Variants in NEMP1 observed in about 807,000 individuals in gnomAD.
NEMP1 encodes transmembrane protein 194.
Under a neutral mutation model 53.7 loss-of-function variants are expected in NEMP1, and 29 were observed. That is an observed-to-expected ratio of 0.54 (90% CI 0.40 to 0.74). The LOEUF (loss-of-function observed/expected upper bound fraction) is 0.74, where lower values mean the gene tolerates loss of function less well. Among genes scored for constraint, NEMP1 ranks in the 30% least tolerant of loss-of-function variants. The pLI is 0.00. For synonymous variants in NEMP1, 193 were observed against 192.9 expected (o/e 1.00, Z 0.00); for missense variants, 477 against 528.6 (o/e 0.90, Z 0.96).
chr12:57,067,627 G>A (rs962607782), intron 4 of NEMP1, among the ~76,000 whole-genome samples: 1 of 152,130 alleles, frequency 6.6e-6, no homozygotes. Context: ...AGTGATGTGT[G>A]ACTATATTTG....
chr12:57,070,154 TC>T (rs1215107344), intron 3 of NEMP1, among the ~76,000 whole-genome samples: 1 of 152,234 alleles, frequency 6.6e-6, no homozygotes, highest in Non-Finnish European at 1.5e-5. Context: ...AGAAAACTTC[TC>T]CCAGTTCCAC....
At chr12:57,068,191 C>T (rs554311113) in intron 4 of NEMP1, among the ~76,000 whole-genome samples, 1 of 152,276 alleles carries the variant, frequency 6.6e-6, no homozygotes, top group Admixed American at 6.5e-5. Context: ...ATCTTGCATT[C>T]ACTACTCCAC....
chr12:57,077,520 A>T (rs2032692236), intron 1 of NEMP1, among the ~76,000 whole-genome samples: 1 of 152,060 alleles, frequency 6.6e-6, no homozygotes, highest in Non-Finnish European at 1.5e-5. Flanking sequence ...CAAACAAAAA[A>T]ACAAAAAAAG....
At chr12:57,064,235 T>C (rs553574195) in intron 5 of NEMP1, 50 bp from the exon 6 acceptor site, 2 of 1,239,564 alleles carry the variant, frequency 1.6e-6, no homozygotes, top group Admixed American at 5.0e-5. Flanking sequence ...AGGCTTTCCA[T>C]ACATAAAAGA....
intron 1 of NEMP1, among the ~76,000 whole-genome samples, chr12:57,077,613 G>C (rs1468915916): frequency 6.6e-6 from 1 of 152,156 alleles, no homozygotes; most frequent in Non-Finnish European, 1.5e-5. Flanking sequence ...AGCCTCCAGG[G>C]AAGAGAACTA....
At chr12:57,081,167 C>T (rs972357983), upstream of NEMP1, among the ~76,000 whole-genome samples, 5 of 152,134 alleles carry the variant, frequency 3.3e-5, no homozygotes, top group Non-Finnish European at 4.4e-5. Context: ...AGACAAATTC[C>T]AATAGAGGCA....
At chr12:57,069,538 C>T (rs898261408) in intron 3 of NEMP1, among the ~76,000 whole-genome samples, 13 of 152,086 alleles carry the variant, frequency 8.5e-5, no homozygotes, top group African/African-American at 2.9e-4. Context: ...GCTACCTATG[C>T]TAAGGTTAAA....
chr12:57,086,319 G>C (rs539217251), intron 1 of NEMP1, among the ~76,000 whole-genome samples: 2 of 152,178 alleles, frequency 1.3e-5, no homozygotes, highest in African/African-American at 4.8e-5. Context: ...GAGGAGACCA[G>C]CACAGATAAA....
chr12:57,060,482 G>T (rs1047435825), intron 8 of NEMP1, among the ~76,000 whole-genome samples: 4 of 152,118 alleles, frequency 2.6e-5, no homozygotes, highest in Admixed American at 1.3e-4. Flanking sequence ...AAGTGGGTAG[G>T]GGGGAACCCT....
chr12:57,072,430 A>G (rs2032396793), intron 2 of NEMP1, among the ~76,000 whole-genome samples: 1 of 152,052 alleles, frequency 6.6e-6, no homozygotes, highest in Non-Finnish European at 1.5e-5. Flanking sequence ...ACAGAGGGAG[A>G]CTCTGCCTCA....
At position 57,057,931 on chromosome 12, in the gene NEMP1, CTT is replaced by C. The variant is rs2136474672; in HGVS notation, c.*1946_*1947del. 6.6e-6 allele frequency: 1 copy of C among 152,204 alleles called. No individual in the cohort carries two copies. Among genetic ancestry groups the C allele is most frequent in the South Asian group, 2.1e-4 (1 of 4,830 alleles). The allele number at this position is 152,204 out of a possible 1,614,324, so 9.4% of individuals were successfully genotyped here. A position where few individuals can be genotyped will look rare whatever the true frequency, so the allele number is the denominator to read the frequency against. On this transcript the variant is annotated 3_prime_UTR_variant, in exon 9 of 9. Coordinates refer to ENST00000300128, the MANE Select transcript of NEMP1 (RefSeq NM_001130963.2). ...GAGTTGAATTATTTTTTAAAATAAA[CTT>C]ATGCTTAAATATGCTAGGTCTCAAT... is the stretch of plus-strand genomic sequence containing the variant.
rs1039855975 is a variant in NEMP1, at chr12:57,057,769, GA to G, written c.*2109del. ...GGGTTTATTAAACAGAGAAAGAGGA[GA>G]ATCTTTCACAATTTCACAGTGCTTT... On this transcript the variant is annotated 3_prime_UTR_variant, in exon 9 of 9. Transcript: ENST00000300128. 2 of 152,154 alleles carry G rather than the reference GA, an allele frequency of 1.3e-5. No homozygotes were observed. Among genetic ancestry groups the G allele is most frequent in the African/African-American group, 4.8e-5 (2 of 41,436 alleles). The allele number at this position is 152,154 out of a possible 1,614,324, so 9.4% of individuals were successfully genotyped here.
intron 1 of NEMP1, among the ~76,000 whole-genome samples, chr12:57,075,500 CAATA>C (rs71084729): frequency 0.039 from 5,574 of 144,682 alleles, 352 homozygotes; most frequent in African/African-American, 0.13. Context: ...ATCTCAATAT[CAATA>C]AATAAATAAA....
rs1443491871 is a variant in NEMP1, at chr12:57,058,817, G to GT, written c.*1061_*1062insA. On this transcript the variant is annotated 3_prime_UTR_variant, in exon 9 of 9. Transcript: ENST00000300128. ...GGAGTATGGGTGGTGAGAAAAGGCT[G>GT]AAAGGAATGGACAGAGCATGTAGAC... The GT allele has an allele frequency of 2.0e-5, 3 of 152,290 alleles. No homozygotes were observed. The East Asian group carries it at 5.8e-4, about 29-fold the overall frequency. The allele number at this position is 152,290 out of a possible 1,614,324, so 9.4% of individuals were successfully genotyped here. A position where few individuals can be genotyped will look rare whatever the true frequency, so the allele number is the denominator to read the frequency against.
rs763251778 is a variant in NEMP1 at position 57,064,703 on chromosome 12, C to T, written c.582G>A (p.Val194=). ...QIFYYSTGMT[V]GIVASLLIII... ...TGATTAGCAGAGAGGCCACAATTCC[C>T]ACAGTCATCCCAGTAGAGTAGTAGA... Residue 194 remains valine, a synonymous_variant, in exon 5 of 9, where the codon GTG becomes GTA. Transcript: ENST00000300128. 4 of 1,612,824 alleles carry T rather than the reference C, an allele frequency of 2.5e-6. No individual in the cohort carries two copies. In the South Asian group the frequency reaches 3.3e-5, roughly 13 times the overall value.
chr12:57,073,297 G>A (rs1016864866), intron 1 of NEMP1, among the ~76,000 whole-genome samples: 11 of 151,514 alleles, frequency 7.3e-5, no homozygotes, highest in African/African-American at 1.7e-4. Flanking sequence ...GACTACAGGC[G>A]CCCGCCACCG....
rs2031707773 is a variant in NEMP1 at position 57,059,832 on chromosome 12, T to C, written c.*47A>G. ...AAGCAATTGCACAACACATGCAACATGGACCAAGGCACCAAGCCAGTCCAC... is the reference window on the plus strand; with the variant it reads ...AAGCAATTGCACAACACATGCAACACGGACCAAGGCACCAAGCCAGTCCAC... On this transcript the variant is annotated 3_prime_UTR_variant, in exon 9 of 9. Transcript: ENST00000300128. The C allele has an allele frequency of 3.2e-6, 5 of 1,555,962 alleles. No homozygotes were observed. Among genetic ancestry groups the C allele is most frequent in the Non-Finnish European group, 3.5e-6 (4 of 1,136,240 alleles).
chr12:57,064,448 A>C (rs912708509), intron 5 of NEMP1, among the ~76,000 whole-genome samples, 198 bp downstream of exon 5: 3 of 152,226 alleles, frequency 2.0e-5, no homozygotes, highest in African/African-American at 7.2e-5. Context: ...CTCTGAGCAC[A>C]GGATTTTATA....
At position 57,058,889 on chromosome 12, in the gene NEMP1, C is replaced by A. The variant is rs2031658479; in HGVS notation, c.*990G>T. The A allele has an allele frequency of 6.6e-6, 1 of 152,160 alleles. No individual in the cohort carries two copies. Among genetic ancestry groups the A allele is most frequent in the Admixed American group, 6.5e-5 (1 of 15,270 alleles). 9.4% of individuals were successfully genotyped at this position (152,160 alleles called of 1,614,324 possible). ...AGACAGTTTCCTGATTTCATAGCAA[C>A]TCAAAGATAACATGACCCAATGACA... On this transcript the variant is annotated 3_prime_UTR_variant, in exon 9 of 9. Transcript: ENST00000300128.
Sources: gnomAD v4.1 joint callset for allele counts (sites outside exome capture counted in the v4.1 genomes callset) on GRCh38, gnomAD v4.1.1 for gene constraint, MANE v1.5 for transcripts, NCBI Gene and HGNC (gene_info 2026-07-23, HGNC 2026-07-21) for gene names.